The following WWOX variants were observed in gnomAD, a reference collection of about 807,000 sequenced individuals.
WWOX encodes WW domain containing oxidoreductase.
A neutral mutation model predicts 46.2 loss-of-function variants in WWOX; 69 were observed. That is an observed-to-expected ratio of 1.49 (90% CI 1.23 to 1.82). The LOEUF (loss-of-function observed/expected upper bound fraction) is 1.82. Ranked by LOEUF, WWOX falls within the 40% of genes most tolerant of loss-of-function variation. The pLI, the probability that WWOX is intolerant of heterozygous loss-of-function variation, is 0.00. For synonymous variants in WWOX, 359 were observed against 202.6 expected, an observed-to-expected ratio of 1.77 and a Z score of -6.56; for missense variants, 919 against 542.6, an observed-to-expected ratio of 1.69 and a Z score of -6.89.
rs67493355 is a variant in WWOX, at chr16:78,108,411, G to T, written c.108-12G>T. ...TTTTACTTATTACTGTGGATTTTTT[G>T]TTTTTTAACAGTCACACCGAGGAGA... On this transcript the variant is annotated splice_polypyrimidine_tract_variant and intron_variant, in intron 1 of 8. Coordinates refer to ENST00000566780, the MANE Select transcript of WWOX (RefSeq NM_016373.4). 454,580 of 1,559,636 alleles carry T rather than the reference G, an allele frequency of 0.29. 37,684 individuals carry two copies. The highest frequency in any genetic ancestry group is 0.37 in the African/African-American group (25,652 of 69,438).
chr16:78,294,762 A>C (rs1160467958), intron 5 of WWOX, among the ~76,000 whole-genome samples: 2 of 152,106 alleles, frequency 1.3e-5, no homozygotes, highest in Non-Finnish European at 2.9e-5. Flanking sequence ...AGAGAGAGAC[A>C]AGAAAGGAAA....
At chr16:78,454,102 C>G (rs1322341278) in intron 8 of WWOX, among the ~76,000 whole-genome samples, 1 of 152,134 alleles carries the variant, frequency 6.6e-6, no homozygotes, top group Non-Finnish European at 1.5e-5. Flanking sequence ...CCCCAGCAAG[C>G]CTCTTCCAGT....
intron 8 of WWOX, among the ~76,000 whole-genome samples, chr16:78,860,040 A>G (rs1397917974): frequency 1.3e-5 from 2 of 152,212 alleles, no homozygotes; most frequent in African/African-American, 4.8e-5. Context: ...TTTAGTTCTC[A>G]AAAGAAAAAT....
chr16:78,340,136 T>G (rs866505671), intron 5 of WWOX, among the ~76,000 whole-genome samples: 2 of 117,330 alleles, frequency 1.7e-5, no homozygotes, highest in Non-Finnish European at 4.0e-5. Context: ...ATTTTTCTTT[T>G]CTGTTTAGTT....
intron 8 of WWOX, among the ~76,000 whole-genome samples, chr16:78,749,653 C>T (rs1156519776): frequency 1.3e-5 from 2 of 152,126 alleles, no homozygotes; most frequent in African/African-American, 4.8e-5. Flanking sequence ...GTTTTCTGGT[C>T]TAGCTAAGGA....
intron 8 of WWOX, among the ~76,000 whole-genome samples, chr16:78,987,523 C>T (rs1366997428): frequency 1.3e-5 from 2 of 151,980 alleles, no homozygotes; most frequent in Non-Finnish European, 2.9e-5. Flanking sequence ...TTTTTTAATC[C>T]ATTGTTTTAG....
At chr16:78,870,782 A>C (rs1187179622) in intron 8 of WWOX, among the ~76,000 whole-genome samples, 4 of 152,094 alleles carry the variant, frequency 2.6e-5, no homozygotes, top group Non-Finnish European at 5.9e-5. Context: ...TTTGTATTTT[A>C]GTAGAGACGG....
At chr16:78,440,639 C>T (rs996343408) in intron 8 of WWOX, among the ~76,000 whole-genome samples, 10 of 144,458 alleles carry the variant, frequency 6.9e-5, no homozygotes, top group Admixed American at 4.1e-4. Flanking sequence ...TTTTTTGAGA[C>T]GGAGTGTCTC....
intron 8 of WWOX, among the ~76,000 whole-genome samples, chr16:78,462,321 T>C (rs560655924): frequency 6.6e-6 from 1 of 152,148 alleles, no homozygotes; most frequent in East Asian, 1.9e-4. Context: ...ATTCAGTAGC[T>C]AACGAGGGCT....
chr16:79,058,406 T>A (rs1641516377), intron 8 of WWOX, among the ~76,000 whole-genome samples: 1 of 151,946 alleles, frequency 6.6e-6, no homozygotes, highest in Non-Finnish European at 1.5e-5. Context: ...AATTGTGTGA[T>A]TATTGTTGTT....
intron 8 of WWOX, among the ~76,000 whole-genome samples, chr16:79,041,801 G>A (rs1189419628): frequency 6.6e-6 from 1 of 152,118 alleles, no homozygotes; most frequent in Non-Finnish European, 1.5e-5. Flanking sequence ...TTTTGCTTTA[G>A]CTTCCTGGCA....
At chr16:78,836,709 A>C (rs912086311) in intron 8 of WWOX, among the ~76,000 whole-genome samples, 2 of 152,180 alleles carry the variant, frequency 1.3e-5, no homozygotes, top group Admixed American at 6.5e-5. Flanking sequence ...CAGCTCACTT[A>C]ATATCAGGCA....
intron 8 of WWOX, among the ~76,000 whole-genome samples, chr16:79,114,726 C>T (rs1327055290): frequency 1.3e-5 from 2 of 152,138 alleles, no homozygotes; most frequent in Non-Finnish European, 2.9e-5. Context: ...ACACAGCATC[C>T]CCTGTCAACA....
At chr16:78,334,806 A>G (rs570046713) in intron 5 of WWOX, among the ~76,000 whole-genome samples, 10,768 of 130,780 alleles carry the variant, frequency 0.082, 1,192 homozygotes, top group African/African-American at 0.27. Flanking sequence ...ACACACACAC[A>G]CGCACACACA....
intron 8 of WWOX, among the ~76,000 whole-genome samples, chr16:78,741,715 C>T (rs1033278710): frequency 7.2e-5 from 11 of 151,958 alleles, no homozygotes; most frequent in Non-Finnish European, 2.9e-5. Context: ...ATCAGTGGGG[C>T]ATGGGGCGGG....
At chr16:78,778,992 A>G (rs61503436) in intron 8 of WWOX, among the ~76,000 whole-genome samples, 17 of 152,164 alleles carry the variant, frequency 1.1e-4, no homozygotes, top group South Asian at 6.2e-4. Context: ...ATCTCCATCT[A>G]TTTCAGGGGA....
rs202068400 is a variant in WWOX at position 78,219,202 on chromosome 16, TAA to T, written c.516+54924_516+54925del. 4.5e-3 allele frequency among the ~76,000 whole-genome samples: 664 copies of T among 146,936 alleles called. 5 individuals carry two copies. The highest frequency in any genetic ancestry group is 0.015 in the African/African-American group (614 of 40,200). ...ACTCTTAAATTAAGTGGAGCAGAGT[TAA>T]AAAAAAAAAATCACTGGATTTGAAG... On this transcript the variant is annotated intron_variant, in intron 5 of 8. Coordinates refer to ENST00000566780, the MANE Select transcript of WWOX (RefSeq NM_016373.4).
At position 79,008,524 on chromosome 16, in the gene WWOX, T is replaced by C. The variant is rs149899594; in HGVS notation, c.1057-203084T>C. Among the ~76,000 whole-genome samples the C allele has an allele frequency of 4.5e-3, 683 of 152,236 alleles. 8 individuals are homozygous for C. Among genetic ancestry groups the C allele is most frequent in the African/African-American group, 0.015 (632 of 41,538 alleles). On this transcript the variant is annotated intron_variant, in intron 8 of 8. Coordinates refer to ENST00000566780, the MANE Select transcript of WWOX (RefSeq NM_016373.4). The stretch of plus-strand genomic sequence containing the variant: ...GAGGGGATTCTATAGGAAATGGAAG[T>C]CTTGGGGGCCATCTTGAATCCTGAC...
At chr16:78,359,808 C>T (rs180893305) in intron 5 of WWOX, among the ~76,000 whole-genome samples, 2 of 152,290 alleles carry the variant, frequency 1.3e-5, no homozygotes, top group Non-Finnish European at 2.9e-5. Context: ...CCATTCCCAT[C>T]TGGGATGAAC....
Sources: gnomAD v4.1 joint callset for allele counts (sites outside exome capture counted in the v4.1 genomes callset) on GRCh38, gnomAD v4.1.1 for gene constraint, MANE v1.5 for transcripts, NCBI Gene and HGNC (gene_info 2026-07-23, HGNC 2026-07-21) for gene names.